Variants in NTRK2 observed in about 807,000 individuals in gnomAD.
NTRK2 encodes the protein BDNF/NT-3 growth factors receptor.
In NTRK2, 13 loss-of-function variants were observed where a neutral mutation model predicts 94.5. The ratio of observed to expected loss-of-function variants is 0.14; its 90% CI spans 0.09 to 0.22. The LOEUF is 0.22. NTRK2 is among the 10% of genes least tolerant of loss of function. The pLI is 1.00. For synonymous variants in NTRK2, 372 were observed against 407.4 expected (o/e 0.91, Z 1.05); for missense variants, 639 against 1,071.2 (o/e 0.60, Z 5.63).
At chr9:84,813,514 A>G (rs957169996) in intron 12 of NTRK2, 32 of 1,065,366 alleles carry the variant, frequency 3.0e-5, no homozygotes, top group Non-Finnish European at 3.6e-5. Flanking sequence ...TCTTCCTGAC[A>G]TTGCCATTGA....
chr9:84,751,140 T>G (rs1465133816), intron 11 of NTRK2, among the ~76,000 whole-genome samples: 1 of 152,224 alleles, frequency 6.6e-6, no homozygotes, highest in Non-Finnish European at 1.5e-5. Flanking sequence ...TCCCTTCCAG[T>G]GCCACTCACT....
At chr9:84,808,476 A>C (rs1378959703) in intron 12 of NTRK2, among the ~76,000 whole-genome samples, 1 of 152,206 alleles carries the variant, frequency 6.6e-6, no homozygotes, top group Non-Finnish European at 1.5e-5. Context: ...TTATTGACAA[A>C]GTTGACATCC....
intron 12 of NTRK2, among the ~76,000 whole-genome samples, chr9:84,822,566 G>A (rs2072918755): frequency 6.6e-6 from 1 of 152,170 alleles, no homozygotes; most frequent in African/African-American, 2.4e-5. Flanking sequence ...CGAGAGCAAG[G>A]ATCTGTAAGA....
intron 17 of NTRK2, among the ~76,000 whole-genome samples, chr9:85,017,940 T>C (rs1400111690): frequency 6.6e-6 from 1 of 152,216 alleles, no homozygotes; most frequent in Non-Finnish European, 1.5e-5. Context: ...AGGAAGAAGG[T>C]TAAAATGAGA....
chr9:84,990,574 A>G (rs1828930448), intron 17 of NTRK2, among the ~76,000 whole-genome samples: 1 of 152,202 alleles, frequency 6.6e-6, no homozygotes, highest in African/African-American at 2.4e-5. Context: ...GAATTTGCCC[A>G]TTCCTTTGAG....
intron 14 of NTRK2, among the ~76,000 whole-genome samples, chr9:84,888,655 A>C: frequency 7.3e-6 from 1 of 137,856 alleles, no homozygotes; most frequent in Non-Finnish European, 1.5e-5. Context: ...AAAAAGTGGC[A>C]GAGAAGAGAC....
intron 12 of NTRK2, among the ~76,000 whole-genome samples, chr9:84,843,269 C>G (rs1391514490): frequency 6.6e-6 from 1 of 152,188 alleles, no homozygotes; most frequent in Non-Finnish European, 1.5e-5. Context: ...TGCAGGTGCT[C>G]TGGATGCCTT....
chr9:84,876,865 G>A (rs1351859075), intron 14 of NTRK2: 30 of 1,062,804 alleles, frequency 2.8e-5, no homozygotes, highest in East Asian at 5.1e-5. Context: ...CCTTTTAGGA[G>A]TCTTTGTTCT....
chr9:84,887,401 T>G (rs1163768470), intron 14 of NTRK2, among the ~76,000 whole-genome samples: 3 of 152,186 alleles, frequency 2.0e-5, no homozygotes, highest in Non-Finnish European at 2.9e-5. Context: ...GGACCTAGCC[T>G]AAGACCTTAA....
At chr9:84,695,959 T>C (rs1313760366) in intron 2 of NTRK2, among the ~76,000 whole-genome samples, 4 of 152,198 alleles carry the variant, frequency 2.6e-5, no homozygotes, top group South Asian at 4.1e-4. Context: ...TAGTCTTACA[T>C]TCCTCACATG....
Position 84,812,191 on chromosome 9 carries a change from A to G in NTRK2, c.1397-48849A>G, listed in dbSNP as rs545988641. 8.5e-6 allele frequency: 9 copies of G among 1,057,788 alleles called. No individual in the cohort carries two copies. The South Asian group carries it at 3.7e-4, about 43-fold the overall frequency. 65.5% of individuals were successfully genotyped at this position (1,057,788 alleles called of 1,614,324 possible). A position where few individuals can be genotyped will look rare whatever the true frequency, so the allele number is the denominator to read the frequency against. ...ACCAAGGCATTAATCTTAATAAACCAGGATCCATTTAGGTACCACTTGATA... is the reference window on the plus strand; with the variant it reads ...ACCAAGGCATTAATCTTAATAAACCGGGATCCATTTAGGTACCACTTGATA... On this transcript the variant is annotated intron_variant, in intron 12 of 18. Transcript: ENST00000277120.
At chr9:84,695,073 A>AAAAAAAC (rs1554694511) in intron 2 of NTRK2, among the ~76,000 whole-genome samples, 7 of 133,878 alleles carry the variant, frequency 5.2e-5, no homozygotes, top group Non-Finnish European at 6.2e-5. Context: ...AAAAAAAAAA[A>AAAAAAAC]ACACACAACA....
intron 12 of NTRK2, among the ~76,000 whole-genome samples, chr9:84,755,722 C>G (rs1351120756): frequency 2.0e-5 from 3 of 151,934 alleles, no homozygotes; most frequent in Admixed American, 2.0e-4. Flanking sequence ...TTCTACCTCC[C>G]TACCTTTGAA....
intron 12 of NTRK2, among the ~76,000 whole-genome samples, chr9:84,856,992 T>C (rs1195859410): frequency 6.6e-6 from 1 of 152,240 alleles, no homozygotes; most frequent in African/African-American, 2.4e-5. Flanking sequence ...GTCAGGTTTC[T>C]TCCACGTTGC....
At position 84,710,729 on chromosome 9, in the gene NTRK2, T is replaced by C; in HGVS notation, c.521T>C (p.Leu174Ser). The change falls in exon 6 of 19, where the codon TTG becomes TCG. Residue 174 changes from leucine to serine, a missense_variant. Coordinates refer to ENST00000277120, the MANE Select transcript of NTRK2 (RefSeq NM_006180.6). Reference protein sequence around the residue: ...EAKSSPDTQDLYCLNESSKNI... With the variant: ...EAKSSPDTQDSYCLNESSKNI... Reference sequence around the variant, plus strand: ...AAATCCAGTCCAGACACTCAGGATTTGTACTGCCTGAATGAAAGCAGCAAG... The same window carrying C: ...AAATCCAGTCCAGACACTCAGGATTCGTACTGCCTGAATGAAAGCAGCAAG... 1 of 1,614,204 alleles carries C rather than the reference T, an allele frequency of 6.2e-7. No homozygotes were observed. The highest frequency in any genetic ancestry group is 8.5e-7 in the Non-Finnish European group (1 of 1,180,014).
chr9:84,711,276 A>G (rs574196849), intron 6 of NTRK2, among the ~76,000 whole-genome samples: 1 of 152,288 alleles, frequency 6.6e-6, no homozygotes, highest in South Asian at 2.1e-4. Context: ...GTGTCTCTTG[A>G]TGGGGTGCCC....
At chr9:84,965,099 A>G (rs1326144782) in intron 17 of NTRK2, among the ~76,000 whole-genome samples, 1 of 152,222 alleles carries the variant, frequency 6.6e-6, no homozygotes, top group Non-Finnish European at 1.5e-5. Flanking sequence ...ATCTTAGCCT[A>G]CTTGTTACCT....
At chr9:84,880,539 T>G (rs2076223956) in intron 14 of NTRK2, among the ~76,000 whole-genome samples, 1 of 152,220 alleles carries the variant, frequency 6.6e-6, no homozygotes, top group Admixed American at 6.5e-5. Context: ...GAGTCAAAAT[T>G]TCTATAGATC....
intron 2 of NTRK2, among the ~76,000 whole-genome samples, chr9:84,690,962 T>A (rs1414045091): frequency 6.6e-6 from 1 of 152,140 alleles, no homozygotes. Flanking sequence ...AGTATTTGAA[T>A]AACTATTTGA....
Sources: gnomAD v4.1 joint callset for allele counts (sites outside exome capture counted in the v4.1 genomes callset) on GRCh38, gnomAD v4.1.1 for gene constraint, MANE v1.5 for transcripts, NCBI Gene and HGNC (gene_info 2026-07-23, HGNC 2026-07-21) for gene names.